Variants in FGF10 observed in about 807,000 individuals in gnomAD.
FGF10 encodes fibroblast growth factor 10, also known as FGF-10.
In FGF10, 2 loss-of-function variants were observed where a neutral mutation model predicts 19.8. The observed-to-expected ratio is 0.10, with a 90% CI of 0.04 to 0.32. The LOEUF (loss-of-function observed/expected upper bound fraction) is 0.32, where lower values mean the gene tolerates loss of function less well. Among genes scored for constraint, FGF10 ranks in the 10% least tolerant of loss-of-function variants. FGF10 has a pLI of 1.00. For missense variants in FGF10, 191 were observed against 246.3 expected, an observed-to-expected ratio of 0.78 and a Z score of 1.50; for synonymous variants, 112 against 94.0, an observed-to-expected ratio of 1.19 and a Z score of -1.10.
chr5:44,371,106 G>A (rs766415668), intron 1 of FGF10, among the ~76,000 whole-genome samples: 1 of 152,068 alleles, frequency 6.6e-6, no homozygotes, highest in Non-Finnish European at 1.5e-5. Flanking sequence ...GAACCAAAAG[G>A]TGATTGGTTC....
intron 1 of FGF10, among the ~76,000 whole-genome samples, chr5:44,325,199 G>A (rs181502242): frequency 1.1e-4 from 17 of 152,240 alleles, no homozygotes; most frequent in African/African-American, 2.9e-4. Flanking sequence ...CATCTCACAC[G>A]AGTTAGAATG....
chr5:44,310,622 G>A, intron 1 of FGF10, 92 bp from the exon 2 acceptor site: 1 of 959,042 alleles, frequency 1.0e-6, no homozygotes, highest in Middle Eastern at 2.5e-4. Flanking sequence ...GTTGTTTTTT[G>A]TGTGGTTCTA....
rs940871369 is a variant in FGF10 at position 44,334,537 on chromosome 5, C to A, written c.326-24007G>T. Among the ~76,000 whole-genome samples the A allele has an allele frequency of 2.0e-5, 3 of 151,882 alleles. No individual in the cohort carries two copies. In the East Asian group the frequency reaches 5.8e-4, roughly 29 times the overall value. Reference sequence around the variant, plus strand: ...TAAGTTCTAGGGCACATGTGCACAACGTTAGAAGCTTACCAATGGAAATGT... The same window carrying A: ...TAAGTTCTAGGGCACATGTGCACAAAGTTAGAAGCTTACCAATGGAAATGT... On this transcript the variant is annotated intron_variant, in intron 1 of 2. Transcript: ENST00000264664.
At chr5:44,358,601 T>C (rs1741403370) in intron 1 of FGF10, among the ~76,000 whole-genome samples, 1 of 151,494 alleles carries the variant, frequency 6.6e-6, no homozygotes, top group African/African-American at 2.4e-5. Context: ...TCAACTGATG[T>C]GGATTGTACT....
chr5:44,340,351 C>A (rs1284344738), intron 1 of FGF10, among the ~76,000 whole-genome samples: 3 of 151,928 alleles, frequency 2.0e-5, no homozygotes, highest in Admixed American at 6.6e-5. Flanking sequence ...TGAAATCTAC[C>A]CTTGTATCCA....
intron 1 of FGF10, among the ~76,000 whole-genome samples, chr5:44,342,089 T>C (rs1740984471): frequency 1.3e-5 from 2 of 152,112 alleles, no homozygotes; most frequent in South Asian, 4.1e-4. Context: ...TTTAAAACTA[T>C]CTGGAAGTTA....
chr5:44,318,666 C>T (rs190738028), intron 1 of FGF10, among the ~76,000 whole-genome samples: 1 of 152,190 alleles, frequency 6.6e-6, no homozygotes, highest in East Asian at 1.9e-4. Flanking sequence ...AAAATATATC[C>T]AGAATGCAAA....
rs1739998626 is a variant in FGF10 at position 44,303,084 on chromosome 5, C to G, written c.*1911G>C. 1.3e-5 allele frequency among the ~76,000 whole-genome samples: 2 copies of G among 152,134 alleles called. No individual in the cohort carries two copies. Among genetic ancestry groups the G allele is most frequent in the Admixed American group, 6.6e-5 (1 of 15,266 alleles). ...CAAAAATTAAACATTTTTATAATCT[C>G]ATTTGCCAAAAAGCAAGTTGGAAGC... On this transcript the variant is annotated 3_prime_UTR_variant, in exon 3 of 3. Transcript: ENST00000264664.
chr5:44,381,196 C>G (rs1050338062), intron 1 of FGF10, among the ~76,000 whole-genome samples: 1 of 151,942 alleles, frequency 6.6e-6, no homozygotes, highest in African/African-American at 2.4e-5. Context: ...TCACTTACAG[C>G]AGAGCTTAAA....
At chr5:44,324,344 C>T (rs1276487851) in intron 1 of FGF10, among the ~76,000 whole-genome samples, 2 of 152,050 alleles carry the variant, frequency 1.3e-5, no homozygotes, top group Non-Finnish European at 2.9e-5. Flanking sequence ...GTCTAACTTT[C>T]CTCGTCAAAT....
intron 1 of FGF10, among the ~76,000 whole-genome samples, chr5:44,371,708 A>T (rs962685394): frequency 1.3e-5 from 2 of 152,184 alleles, no homozygotes; most frequent in African/African-American, 4.8e-5. Context: ...AATAAACTAT[A>T]TTTTAAAATA....
At chr5:44,359,103 A>G (rs985202861) in intron 1 of FGF10, among the ~76,000 whole-genome samples, 1 of 151,442 alleles carries the variant, frequency 6.6e-6, no homozygotes, top group Admixed American at 6.6e-5. Context: ...GCCTCCTAAC[A>G]AGATCTGAAG....
chr5:44,380,904 C>T (rs1741970438), intron 1 of FGF10, among the ~76,000 whole-genome samples: 1 of 152,064 alleles, frequency 6.6e-6, no homozygotes, highest in South Asian at 2.1e-4. Flanking sequence ...CGCCTGAGCC[C>T]AGCAGGTTGA....
At position 44,362,300 on chromosome 5, in the gene FGF10, G is replaced by A. The variant is rs1381663107; in HGVS notation, c.325+26058C>T. Among the ~76,000 whole-genome samples the A allele has an allele frequency of 2.0e-5, 3 of 151,796 alleles. No homozygotes were observed. In the East Asian group the frequency reaches 5.9e-4, roughly 30 times the overall value. On this transcript the variant is annotated intron_variant, in intron 1 of 2. Coordinates refer to ENST00000264664, the MANE Select transcript of FGF10 (RefSeq NM_004465.2). ...TATATCTTTTATCCTTTGCTAAAGA[G>A]ATTCCTTCTTGAAACTTGAATTGAC...
intron 1 of FGF10, among the ~76,000 whole-genome samples, chr5:44,377,456 T>C (rs553939452): frequency 2.5e-4 from 38 of 152,254 alleles, no homozygotes; most frequent in Non-Finnish European, 3.2e-4. Flanking sequence ...TAAGTTGAAA[T>C]ATAAGACTTA....
In FGF10 at chr5:44,304,882, GC is replaced by G; in HGVS notation, c.*112del. ...CAAAGGCTGGCTTTCTTTTAAGCAA[GC>G]AGACATCTGCAACGTGTCTTTGCCT... On this transcript the variant is annotated 3_prime_UTR_variant, in exon 3 of 3. Transcript: ENST00000264664. 9.4e-7 allele frequency: 1 copy of G among 1,059,798 alleles called. No individual in the cohort carries two copies. The highest frequency in any genetic ancestry group is 1.3e-5 in the South Asian group (1 of 78,108). The allele number at this position is 1,059,798 out of a possible 1,614,324, so 65.6% of individuals were successfully genotyped here.
At chr5:44,365,350 C>CAAAAA (rs3060085) in intron 1 of FGF10, among the ~76,000 whole-genome samples, 5 of 124,720 alleles carry the variant, frequency 4.0e-5, no homozygotes, top group Non-Finnish European at 3.3e-5. Context: ...AAATAATTTG[C>CAAAAA]AAAAAAAAAA....
At chr5:44,350,505 T>C (rs1397909536) in intron 1 of FGF10, among the ~76,000 whole-genome samples, 1 of 150,880 alleles carries the variant, frequency 6.6e-6, no homozygotes, top group Non-Finnish European at 1.5e-5. Context: ...TTTCTAACAA[T>C]GGGCATGCAA....
At chr5:44,380,226 G>A (rs575230478) in intron 1 of FGF10, among the ~76,000 whole-genome samples, 5 of 152,168 alleles carry the variant, frequency 3.3e-5, no homozygotes, top group African/African-American at 1.2e-4. Flanking sequence ...AATTCTATCA[G>A]TAAATTAAAG....
Sources: allele counts gnomAD v4.1 joint callset (sites outside exome capture counted in the v4.1 genomes callset), GRCh38; gene constraint gnomAD v4.1.1; transcripts MANE v1.5; gene names NCBI Gene and HGNC (gene_info 2026-07-23, HGNC 2026-07-21).